The following PTK7 variants were observed in gnomAD, a reference collection of about 807,000 sequenced individuals.
The protein encoded by PTK7 is inactive tyrosine-protein kinase 7.
Under a neutral mutation model 116.6 loss-of-function variants are expected in PTK7, and 39 were observed. That is an observed-to-expected ratio of 0.33 (90% confidence interval 0.26 to 0.44). The LOEUF (loss-of-function observed/expected upper bound fraction) is 0.44, where lower values mean the gene tolerates loss of function less well. Among genes scored for constraint, PTK7 ranks in the 20% least tolerant of loss-of-function variants. PTK7 has a pLI of 1.00. For missense variants in PTK7, 1,169 were observed against 1,425.6 expected (o/e 0.82, Z 2.90); for synonymous variants, 546 against 563.6 (o/e 0.97, Z 0.44).
intron 1 of PTK7, among the ~76,000 whole-genome samples, chr6:43,079,517 C>T (rs1311516346): frequency 6.6e-6 from 1 of 150,880 alleles, no homozygotes; most frequent in African/African-American, 2.4e-5. Flanking sequence ...AAAAAAAAAT[C>T]CAAGGGTGCT....
intron 1 of PTK7, among the ~76,000 whole-genome samples, chr6:43,091,926 G>A (rs528140752): frequency 2.0e-5 from 3 of 151,784 alleles, no homozygotes; most frequent in East Asian, 1.9e-4. Flanking sequence ...GCAGTGGCGC[G>A]ATCTCAGCTC....
intron 1 of PTK7, among the ~76,000 whole-genome samples, chr6:43,118,258 C>G (rs931409845): frequency 6.6e-6 from 1 of 151,748 alleles, no homozygotes; most frequent in African/African-American, 2.4e-5. Context: ...AAATTTAGGC[C>G]GGGCGCGTTG....
chr6:43,076,918 C>T lies in PTK7; in HGVS notation c.79+351C>T, dbSNP rs1766052809. 1 of 1,514,816 alleles carries T rather than the reference C, an allele frequency of 6.6e-7. No individual in the cohort carries two copies. Among genetic ancestry groups the T allele is most frequent in the South Asian group, 1.2e-5 (1 of 82,614 alleles). The allele number at this position is 1,514,816 out of a possible 1,614,324, so 93.8% of individuals were successfully genotyped here. ...TTCTTGTCGGGGGAGAAAAGACCATCCGCACCCACCGTGGGGAGCGCGATG... is the reference window on the plus strand; with the variant it reads ...TTCTTGTCGGGGGAGAAAAGACCATTCGCACCCACCGTGGGGAGCGCGATG... On this transcript the variant is annotated intron_variant, in intron 1 of 19. Transcript: ENST00000230419. The surrounding 1 kb of genome is among the most constrained non-coding windows in gnomAD (Gnocchi z 5.7).
chr6:43,096,712 T>G (rs1335014503), intron 1 of PTK7, among the ~76,000 whole-genome samples: 1 of 152,156 alleles, frequency 6.6e-6, no homozygotes, highest in Admixed American at 6.5e-5. Flanking sequence ...TGGGCTAGCC[T>G]GGGCACCTGC....
At position 43,076,930 on chromosome 6, in the gene PTK7, TG is replaced by T; in HGVS notation, c.79+367del. On this transcript the variant is annotated intron_variant, in intron 1 of 19. Coordinates refer to ENST00000230419, the MANE Select transcript of PTK7 (RefSeq NM_002821.5). The surrounding 1 kb of genome is among the most constrained non-coding windows in gnomAD (Gnocchi z 5.7). The stretch of plus-strand genomic sequence containing the variant: ...GAGAAAAGACCATCCGCACCCACCG[TG>T]GGGAGCGCGATGGAGAAAAAGGAAT... 2 of 1,516,440 alleles carry T rather than the reference TG, an allele frequency of 1.3e-6. No homozygotes were observed. Among genetic ancestry groups the T allele is most frequent in the Non-Finnish European group, 1.8e-6 (2 of 1,133,256 alleles). 93.9% of individuals were successfully genotyped at this position (1,516,440 alleles called of 1,614,324 possible).
At position 43,132,082 on chromosome 6, in the gene PTK7, A is replaced by G. The variant is rs1180808367; in HGVS notation, c.879A>G (p.Pro293=). The part of the protein sequence containing the change: ...NGSLLLTQVR[P]RNAGIYRCIG... ...CTCTGCTGCTGACCCAGGTCCGGCC[A>G]CGCAATGCAGGGATCTACCGCTGCA... Residue 293 remains proline, a synonymous_variant, in exon 6 of 20, where the codon CCA becomes CCG. Transcript: ENST00000230419. 4.3e-6 allele frequency: 7 copies of G among 1,613,986 alleles called. No individual in the cohort carries two copies. Among genetic ancestry groups the G allele is most frequent in the African/African-American group, 1.3e-5 (1 of 74,940 alleles).
intron 1 of PTK7, among the ~76,000 whole-genome samples, chr6:43,088,597 CAGG>C (rs1436825616): frequency 6.6e-5 from 10 of 151,924 alleles, no homozygotes; most frequent in African/African-American, 2.4e-4. Context: ...GAGGCTGAGG[CAGG>C]AGAATGGCTT....
chr6:43,118,620 C>A (rs1456648499), intron 1 of PTK7, among the ~76,000 whole-genome samples: 2 of 63,366 alleles, frequency 3.2e-5, no homozygotes, highest in African/African-American at 5.4e-5. Flanking sequence ...AATATTTTAA[C>A]CTCTCTCTCT....
intron 1 of PTK7, among the ~76,000 whole-genome samples, chr6:43,118,645 CTCTCTCTCTCTCTCTATA>C (rs1198324541): frequency 1.0e-3 from 86 of 85,878 alleles, no homozygotes; most frequent in African/African-American, 3.5e-3. Flanking sequence ...CTCTCTCTCT[CTCTCTCTCTCTCTCTATA>C]TATATATATA....
intron 1 of PTK7, among the ~76,000 whole-genome samples, chr6:43,124,297 T>C (rs1769146904): frequency 6.6e-6 from 1 of 152,232 alleles, no homozygotes; most frequent in Admixed American, 6.5e-5. Context: ...GCAAAGCTTC[T>C]GACAAAGCAA....
intron 1 of PTK7, among the ~76,000 whole-genome samples, chr6:43,078,350 G>A (rs1215066455): frequency 3.9e-5 from 6 of 151,950 alleles, no homozygotes; most frequent in Non-Finnish European, 8.8e-5. Context: ...CAGGGGTGGG[G>A]GGATGTCTTG....
intron 7 of PTK7, among the ~76,000 whole-genome samples, chr6:43,136,149 C>CT (rs1367727970): frequency 1.3e-5 from 2 of 151,420 alleles, no homozygotes; most frequent in African/African-American, 4.9e-5. Flanking sequence ...GAGCGAGACT[C>CT]TATCTCAAAA....
chr6:43,138,235 C>T (rs934301587), intron 7 of PTK7, among the ~76,000 whole-genome samples: 1 of 151,702 alleles, frequency 6.6e-6, no homozygotes. Flanking sequence ...GGCTAGAGTG[C>T]AGTGTCTTAC....
intron 17 of PTK7, among the ~76,000 whole-genome samples, chr6:43,153,640 G>C (rs773351262): frequency 6.6e-6 from 1 of 152,066 alleles, no homozygotes; most frequent in African/African-American, 2.4e-5. Flanking sequence ...CAAACTCCTA[G>C]GCTCAAGCAA....
chr6:43,126,039 GC>G (rs1769268562), intron 1 of PTK7, among the ~76,000 whole-genome samples: 1 of 152,080 alleles, frequency 6.6e-6, no homozygotes, highest in Non-Finnish European at 1.5e-5. Context: ...AGGATTTTGG[GC>G]AGGGCGCCAT....
In PTK7 at chr6:43,141,590, A is replaced by G; in HGVS notation, c.1619-78A>G. On this transcript the variant is annotated intron_variant, in intron 10 of 19. Coordinates refer to ENST00000230419, the MANE Select transcript of PTK7 (RefSeq NM_002821.5). This position sits in a 1 kb window ranked among gnomAD's most constrained non-coding sequence, Gnocchi z 4.9. ...GGAGCGATGGTGTGTTTTTGAGTAG[A>G]GGTGAGGGACTGAAGGCATTGCCAG... 1.3e-6 allele frequency: 2 copies of G among 1,496,838 alleles called. No individual in the cohort carries two copies. The highest frequency in any genetic ancestry group is 1.8e-6 in the Non-Finnish European group (2 of 1,096,368). 92.7% of individuals were successfully genotyped at this position (1,496,838 alleles called of 1,614,324 possible).
intron 13 of PTK7, chr6:43,142,724 C>T (rs1041921128): frequency 1.3e-5 from 3 of 239,916 alleles, no homozygotes; most frequent in Non-Finnish European, 1.7e-5. Context: ...AGACTTATTT[C>T]TCCTCTGGGG....
intron 1 of PTK7, among the ~76,000 whole-genome samples, chr6:43,081,153 C>A (rs1337898759): frequency 1.3e-5 from 2 of 152,170 alleles, no homozygotes; most frequent in East Asian, 3.8e-4. Flanking sequence ...CGGGCCAGTC[C>A]CCGGTTGTAC....
In PTK7 at chr6:43,143,670, C is replaced by T. The variant is rs1448759976; in HGVS notation, c.2251+50C>T. The T allele has an allele frequency of 1.5e-5, 23 of 1,568,854 alleles. No homozygotes were observed. Among genetic ancestry groups the T allele is most frequent in the Non-Finnish European group, 1.8e-5 (21 of 1,158,322 alleles). On this transcript the variant is annotated intron_variant, in intron 14 of 19. Coordinates refer to ENST00000230419, the MANE Select transcript of PTK7 (RefSeq NM_002821.5). This position sits in a 1 kb window ranked among gnomAD's most constrained non-coding sequence, Gnocchi z 4.2. Reference sequence around the variant, plus strand: ...GGTGCCCGTGTGCGGGAGCTGAGCGCCCTCCCGCGGCCACGGAGGGGAGAG... The same window carrying T: ...GGTGCCCGTGTGCGGGAGCTGAGCGTCCTCCCGCGGCCACGGAGGGGAGAG...
Sources: allele counts gnomAD v4.1 joint callset (sites outside exome capture counted in the v4.1 genomes callset), GRCh38; gene constraint gnomAD v4.1.1; non-coding constraint Gnocchi (gnomAD v3.1); transcripts MANE v1.5; gene names NCBI Gene and HGNC (gene_info 2026-07-23, HGNC 2026-07-21).